Variants in SORCS2 observed in about 807,000 individuals in gnomAD.
The protein encoded by SORCS2 is VPS10 domain-containing receptor SorCS2.
SORCS2 carries 100 observed loss-of-function variants against 141.6 expected under a neutral mutation model. The observed-to-expected ratio is 0.71, with a 90% CI of 0.60 to 0.83. The LOEUF is 0.83. Among genes scored for constraint, SORCS2 ranks in the 40% least tolerant of loss-of-function variants. The pLI, the probability that SORCS2 is intolerant of heterozygous loss-of-function variation, is 0.00. For synonymous variants in SORCS2, 789 were observed against 676.9 expected, an observed-to-expected ratio of 1.17 and a Z score of -2.57; for missense variants, 1,646 against 1,560.2, an observed-to-expected ratio of 1.05 and a Z score of -0.93.
At chr4:7,376,197 CT>C (rs1722639620) in intron 1 of SORCS2, among the ~76,000 whole-genome samples, 1 of 151,766 alleles carries the variant, frequency 6.6e-6, no homozygotes, top group African/African-American at 2.4e-5. Context: ...AACAGGATCT[CT>C]TTTGTAGTAC....
chr4:7,376,966 T>C lies in SORCS2; in HGVS notation c.481-19322T>C, dbSNP rs193095963. ...CCCTGGCCTGCAGTCACGTGCAGCC[T>C]GAAGACCGGCTCTGCACTGGGATTC... On this transcript the variant is annotated intron_variant, in intron 1 of 26. Transcript: ENST00000507866. Among the ~76,000 whole-genome samples the C allele has an allele frequency of 7.8e-3, 1,137 of 146,458 alleles. 8 individuals are homozygous for C. The highest frequency in any genetic ancestry group is 0.011 in the Non-Finnish European group (700 of 66,448).
At chr4:7,213,049 C>G (rs1170584732) in intron 1 of SORCS2, among the ~76,000 whole-genome samples, 1 of 152,256 alleles carries the variant, frequency 6.6e-6, no homozygotes, top group Non-Finnish European at 1.5e-5. Context: ...GAAAAGGTGG[C>G]AGAGCCACTG....
At chr4:7,330,898 C>T (rs1334649865) in intron 1 of SORCS2, among the ~76,000 whole-genome samples, 2 of 152,132 alleles carry the variant, frequency 1.3e-5, no homozygotes, top group Non-Finnish European at 2.9e-5. Context: ...ATGGACAGGA[C>T]GCTGTCCTCA....
At chr4:7,458,685 C>T (rs1347908886) in intron 2 of SORCS2, among the ~76,000 whole-genome samples, 1 of 152,172 alleles carries the variant, frequency 6.6e-6, no homozygotes, top group Non-Finnish European at 1.5e-5. Context: ...CTAGGCTGGA[C>T]AGGAGACTCA....
chr4:7,305,584 G>GC (rs933124148), intron 1 of SORCS2, among the ~76,000 whole-genome samples: 9 of 152,118 alleles, frequency 5.9e-5, no homozygotes, highest in East Asian at 5.8e-4. Flanking sequence ...TGGCTCTAAG[G>GC]CCCCCCCAGC....
intron 2 of SORCS2, among the ~76,000 whole-genome samples, chr4:7,487,024 C>T (rs542782028): frequency 3.3e-5 from 5 of 152,356 alleles, no homozygotes; most frequent in African/African-American, 1.2e-4. Context: ...CATTTGCAGG[C>T]TGCCTGTCTA....
At chr4:7,576,550 G>T (rs893089259) in intron 3 of SORCS2, among the ~76,000 whole-genome samples, 1 of 152,178 alleles carries the variant, frequency 6.6e-6, no homozygotes, top group Non-Finnish European at 1.5e-5. Context: ...ATTTGTGTTG[G>T]GTATTGAGGA....
intron 14 of SORCS2, among the ~76,000 whole-genome samples, chr4:7,710,876 C>T (rs1327140580): frequency 1.3e-5 from 2 of 152,254 alleles, no homozygotes; most frequent in African/African-American, 2.4e-5. Flanking sequence ...GCTCAAGCCC[C>T]ATTTCCCCAC....
chr4:7,496,644 G>A (rs1229338817), intron 2 of SORCS2, among the ~76,000 whole-genome samples: 2 of 151,988 alleles, frequency 1.3e-5, no homozygotes, highest in African/African-American at 4.8e-5. Context: ...GAGAGTGGCC[G>A]GGAGAAAGGA....
intron 1 of SORCS2, among the ~76,000 whole-genome samples, chr4:7,294,178 G>T (rs1359007996): frequency 2.6e-5 from 4 of 152,178 alleles, no homozygotes; most frequent in Non-Finnish European, 5.9e-5. Context: ...CACCGGTGAT[G>T]CCTGGCAATT....
At chr4:7,299,549 G>A (rs766548320) in intron 1 of SORCS2, among the ~76,000 whole-genome samples, 4 of 152,230 alleles carry the variant, frequency 2.6e-5, no homozygotes, top group African/African-American at 7.2e-5. Flanking sequence ...TCTAGGAAGC[G>A]AGAGCATGTT....
intron 3 of SORCS2, among the ~76,000 whole-genome samples, chr4:7,605,276 T>G (rs183232999): frequency 6.6e-6 from 1 of 152,322 alleles, no homozygotes; most frequent in East Asian, 1.9e-4. Flanking sequence ...ACTTCTCAGG[T>G]GTTTCACACA....
chr4:7,540,929 G>T (rs114732053), intron 3 of SORCS2, among the ~76,000 whole-genome samples: 1 of 152,324 alleles, frequency 6.6e-6, no homozygotes, highest in African/African-American at 2.4e-5. Flanking sequence ...ACCGGCCAGC[G>T]CCCCACCCAC....
rs117638333 is a variant in SORCS2, at chr4:7,355,819, C to G, written c.481-40469C>G. On this transcript the variant is annotated intron_variant, in intron 1 of 26. Transcript: ENST00000507866. ...TGGAACGCACAGGATTTCTTTGCTT[C>G]CAAATGTGCTGTGCTGCTTTTCTGA... 1.2e-3 allele frequency among the ~76,000 whole-genome samples: 181 copies of G among 152,370 alleles called. 2 individuals are homozygous for G. In the East Asian group the frequency reaches 0.023, roughly 19 times the overall value.
At chr4:7,722,453 C>T (rs866649477) in intron 18 of SORCS2, among the ~76,000 whole-genome samples, 3 of 152,284 alleles carry the variant, frequency 2.0e-5, no homozygotes, top group Non-Finnish European at 2.9e-5. Context: ...TATCTCATGC[C>T]GGGTGGCCTG....
At chr4:7,271,812 CG>C (rs1715149739) in intron 1 of SORCS2, among the ~76,000 whole-genome samples, 1 of 152,214 alleles carries the variant, frequency 6.6e-6, no homozygotes, top group Admixed American at 6.5e-5. Flanking sequence ...CGGCCTATGC[CG>C]GGGCCCGAGA....
intron 1 of SORCS2, among the ~76,000 whole-genome samples, chr4:7,236,940 G>A (rs1292006552): frequency 6.6e-6 from 1 of 152,208 alleles, no homozygotes; most frequent in Non-Finnish European, 1.5e-5. Context: ...TTTTCCAGAT[G>A]GAGACCTGGC....
chr4:7,734,743 G>A (rs536689062), intron 25 of SORCS2, among the ~76,000 whole-genome samples: 2 of 152,330 alleles, frequency 1.3e-5, no homozygotes, highest in Admixed American at 6.5e-5. Context: ...AGGTAACACA[G>A]ACGGCCAGCC....
chr4:7,726,967 G>A lies in SORCS2; in HGVS notation c.2869+64G>A. 1.9e-6 allele frequency: 3 copies of A among 1,557,430 alleles called. No individual in the cohort carries two copies. In the South Asian group the frequency reaches 3.5e-5, roughly 18 times the overall value. On this transcript the variant is annotated intron_variant, in intron 21 of 26. Coordinates refer to ENST00000507866, the MANE Select transcript of SORCS2 (RefSeq NM_020777.3). ...TCTCTGCTGCAGTCCAGGAAGCCAGGCCACATGGGTCGCGTAAGCCATGGA... is the reference window on the plus strand; with the variant it reads ...TCTCTGCTGCAGTCCAGGAAGCCAGACCACATGGGTCGCGTAAGCCATGGA...
Sources: gnomAD v4.1 joint callset for allele counts (sites outside exome capture counted in the v4.1 genomes callset) on GRCh38, gnomAD v4.1.1 for gene constraint, MANE v1.5 for transcripts, NCBI Gene and HGNC (gene_info 2026-07-23, HGNC 2026-07-21) for gene names.